The following SARDH variants were observed in gnomAD, a reference collection of about 807,000 sequenced individuals.
SARDH encodes sarcosine dehydrogenase.
In SARDH, 95 loss-of-function variants were observed where a neutral mutation model predicts 109.1. The observed-to-expected ratio is 0.87, with a 90% CI of 0.74 to 1.03. The LOEUF is 1.03. Among genes scored for constraint, SARDH ranks in the 50% least tolerant of loss-of-function variants. The pLI is 0.00. For missense variants in SARDH, 1,267 were observed against 1,287.8 expected (o/e 0.98, Z 0.25); for synonymous variants, 572 against 534.8 (o/e 1.07, Z -0.96).
Position 133,704,619 on chromosome 9 carries a change from G to T in SARDH, c.1554+329C>A, listed in dbSNP as rs1264484716. On this transcript the variant is annotated intron_variant, in intron 12 of 20. Transcript: ENST00000439388. This position sits in a 1 kb window ranked among gnomAD's most constrained non-coding sequence, Gnocchi z 4.5. ...GACGCTCCATTCCTCCTGCAACCTGGGGGAGTCTTCTTGCTGTCTCCCCAC... is the reference window on the plus strand; with the variant it reads ...GACGCTCCATTCCTCCTGCAACCTGTGGGAGTCTTCTTGCTGTCTCCCCAC... 6.6e-6 allele frequency among the ~76,000 whole-genome samples: 1 copy of T among 152,176 alleles called. No individual in the cohort carries two copies. The highest frequency in any genetic ancestry group is 1.5e-5 in the Non-Finnish European group (1 of 68,034).
In SARDH at chr9:133,712,626, C is replaced by T. The variant is rs1384641436; in HGVS notation, c.1321G>A (p.Asp441Asn). 1.2e-6 allele frequency: 2 copies of T among 1,608,744 alleles called. No homozygotes were observed. Among genetic ancestry groups the T allele is most frequent in the Non-Finnish European group, 1.7e-6 (2 of 1,179,872 alleles). The change falls in exon 10 of 21, where the codon GAC (aspartate) becomes AAC (asparagine). Residue 441 changes from aspartate to asparagine, a missense_variant. Coordinates refer to ENST00000439388, the MANE Select transcript of SARDH (RefSeq NM_001134707.2). This position sits in a 1 kb window ranked among gnomAD's most constrained non-coding sequence, Gnocchi z 4.1. ...GRPEKDMHGY[D>N]IRRFHHSLTD... ...GTCCCAATGGGCACTTACCTGATGT[C>T]ATAGCCATGCATGTCCTTCTCCGGG... is the stretch of plus-strand genomic sequence containing the variant.
Position 133,717,429 on chromosome 9 carries a change from G to T in SARDH, c.1047C>A (p.Leu349=), listed in dbSNP as rs764505923. The change falls in exon 8 of 21, where the codon CTC becomes CTA. Residue 349 remains leucine, a synonymous_variant. Coordinates refer to ENST00000439388, the MANE Select transcript of SARDH (RefSeq NM_001134707.2). ...EEVSDKFAFG[L]FDLDWEVFTQ... ...TGAACACCTCCCAGTCCAGGTCAAA[G>T]AGGCCGAAGGCAAACTTGTCTGACA... 42 of 1,614,012 alleles carry T rather than the reference G, an allele frequency of 2.6e-5. 1 individual carries two copies. The highest frequency in any genetic ancestry group is 4.2e-6 in the Non-Finnish European group (5 of 1,180,000).
At chr9:133,685,334 G>A (rs1226901371) in intron 16 of SARDH, 48 bp from the exon 17 acceptor site, 1 of 1,552,436 alleles carries the variant, frequency 6.4e-7, no homozygotes, top group Admixed American at 1.8e-5. Flanking sequence ...TCACGGGTGG[G>A]GCCTGGGCAG....
At chr9:133,661,347 A>C (rs111422860), downstream of SARDH, among the ~76,000 whole-genome samples, 42,026 of 150,694 alleles carry the variant, frequency 0.28, 6,243 homozygotes, top group East Asian at 0.4. Context: ...CTCAAAAAAA[A>C]AACAACAACA....
chr9:133,679,500 C>G (rs536301151), intron 17 of SARDH, among the ~76,000 whole-genome samples: 1 of 152,382 alleles, frequency 6.6e-6, no homozygotes, highest in East Asian at 1.9e-4. Flanking sequence ...GTGCTCCCAG[C>G]CCAGCATGCT....
At position 133,709,345 on chromosome 9, in the gene SARDH, G is replaced by A. The variant is rs891868374; in HGVS notation, c.1329-917C>T. Among the ~76,000 whole-genome samples the A allele has an allele frequency of 1.3e-5, 2 of 152,086 alleles. No individual in the cohort carries two copies. Among genetic ancestry groups the A allele is most frequent in the Admixed American group, 1.3e-4 (2 of 15,282 alleles). On this transcript the variant is annotated intron_variant, in intron 10 of 20. Transcript: ENST00000439388. This position sits in a 1 kb window ranked among gnomAD's most constrained non-coding sequence, Gnocchi z 4.2. The stretch of plus-strand genomic sequence containing the variant: ...TCTCCTCAGACCAGCCACCCGTCCC[G>A]AATCCGACAGTGCGGAACTGCTGGC...
In SARDH at chr9:133,691,095, G is replaced by A. The variant is rs561684215; in HGVS notation, c.1922-568C>T. Among the ~76,000 whole-genome samples, 13 of 151,556 alleles carry A rather than the reference G, an allele frequency of 8.6e-5. No individual in the cohort carries two copies. In the South Asian group the frequency reaches 2.3e-3, roughly 27 times the overall value. ...CAAGCCAGTCCTCAAGGGGTTCCCC[G>A]ACACCTGAACTGGGGCCGTTTCTGG... On this transcript the variant is annotated intron_variant, in intron 15 of 20. Transcript: ENST00000439388.
At chr9:133,725,440 A>G in intron 6 of SARDH, 1 of 353,652 alleles carries the variant, frequency 2.8e-6, no homozygotes, top group South Asian at 2.1e-5. Flanking sequence ...TGGAAGTCCG[A>G]GATGGGTGGA....
intron 16 of SARDH, among the ~76,000 whole-genome samples, chr9:133,688,008 G>A (rs1830946533): frequency 6.6e-6 from 1 of 152,122 alleles, no homozygotes; most frequent in Admixed American, 6.5e-5. Context: ...CCCCCGGGCC[G>A]CACCTTGATC....
intron 16 of SARDH, among the ~76,000 whole-genome samples, chr9:133,687,781 G>C (rs961673030): frequency 1.3e-5 from 2 of 152,188 alleles, no homozygotes; most frequent in Non-Finnish European, 2.9e-5. Context: ...GGTGTGCTGA[G>C]CACGTCCTGA....
chr9:133,704,360 C>A lies in SARDH; in HGVS notation c.1554+588G>T, dbSNP rs1027864434. Among the ~76,000 whole-genome samples the A allele has an allele frequency of 6.6e-6, 1 of 152,142 alleles. No homozygotes were observed. The highest frequency in any genetic ancestry group is 2.4e-5 in the African/African-American group (1 of 41,420). On this transcript the variant is annotated intron_variant, in intron 12 of 20. Transcript: ENST00000439388. The surrounding 1 kb of genome is among the most constrained non-coding windows in gnomAD (Gnocchi z 4.5). ...CCCCTCAGCTGGCCTTAAGGCCTCG[C>A]GTCCCCTGCTCCCGAGGGTCTGGGT...
chr9:133,726,279 G>A (rs1832486421), intron 6 of SARDH, among the ~76,000 whole-genome samples: 1 of 150,672 alleles, frequency 6.6e-6, no homozygotes, highest in South Asian at 2.1e-4. Flanking sequence ...GAGGTGGGAG[G>A]ATCGCTTGAG....
chr9:133,707,744 C>T (rs948139352), intron 11 of SARDH, among the ~76,000 whole-genome samples: 9 of 152,004 alleles, frequency 5.9e-5, no homozygotes, highest in Admixed American at 1.3e-4. Flanking sequence ...GGGCTGGGAG[C>T]GCAGAGAAGG....
intron 19 of SARDH, among the ~76,000 whole-genome samples, chr9:133,668,418 CT>C (rs1777563485): frequency 2.1e-5 from 1 of 46,934 alleles, no homozygotes; most frequent in Non-Finnish European, 4.4e-5. Flanking sequence ...CTCCCTCTCC[CT>C]CTCCCTTCAC....
chr9:133,731,607 C>T, intron 3 of SARDH, 123 bp from the exon 4 acceptor site: 1 of 919,784 alleles, frequency 1.1e-6, no homozygotes, highest in Non-Finnish European at 1.7e-6. Context: ...CTTAGCCGGT[C>T]CCCACGCCCC....
chr9:133,673,370 G>C (rs570298621), intron 17 of SARDH, among the ~76,000 whole-genome samples: 87 of 152,350 alleles, frequency 5.7e-4, no homozygotes, highest in African/African-American at 1.9e-3. Flanking sequence ...AAAAGGAATG[G>C]GGAGAGCTAG....
At chr9:133,675,346 AT>A (rs1257999226) in intron 17 of SARDH, among the ~76,000 whole-genome samples, 1 of 115,532 alleles carries the variant, frequency 8.7e-6, no homozygotes, top group African/African-American at 3.3e-5. Context: ...GTGAGACTCC[AT>A]TTAAAAAAAA....
chr9:133,667,669 G>A (rs1303279338), intron 19 of SARDH, among the ~76,000 whole-genome samples: 1 of 152,118 alleles, frequency 6.6e-6, no homozygotes, highest in Non-Finnish European at 1.5e-5. Context: ...CCTGTGCAAT[G>A]GGTTATCACG....
chr9:133,694,662 C>G (rs534028692), intron 14 of SARDH, among the ~76,000 whole-genome samples: 1 of 152,248 alleles, frequency 6.6e-6, no homozygotes, highest in Non-Finnish European at 1.5e-5. Context: ...CCCCTCCCAC[C>G]CATCCACCAC....
Sources: allele counts gnomAD v4.1 joint callset (sites outside exome capture counted in the v4.1 genomes callset), GRCh38; gene constraint gnomAD v4.1.1; non-coding constraint Gnocchi (gnomAD v3.1); transcripts MANE v1.5; gene names NCBI Gene and HGNC (gene_info 2026-07-23, HGNC 2026-07-21).